Variants in NDC1 observed in about 807,000 individuals in gnomAD.
NDC1 encodes the protein NDC1 transmembrane nucleoporin, also known as nucleoporin NDC1.
Under a neutral mutation model 89.8 loss-of-function variants are expected in NDC1, and 24 were observed. The ratio of observed to expected loss-of-function variants is 0.27; its 90% CI spans 0.19 to 0.38. NDC1 has a LOEUF of 0.38. Among genes scored for constraint, NDC1 ranks in the 10% least tolerant of loss-of-function variants. The pLI is 1.00. For missense variants in NDC1, 728 were observed against 797.6 expected, an observed-to-expected ratio of 0.91 and a Z score of 1.05; for synonymous variants, 296 against 284.8, an observed-to-expected ratio of 1.04 and a Z score of -0.39.
At chr1:53,797,591 C>A (rs530442760) in intron 11 of NDC1, among the ~76,000 whole-genome samples, 1 of 152,144 alleles carries the variant, frequency 6.6e-6, no homozygotes, top group South Asian at 2.1e-4. Flanking sequence ...ATTAACCTTA[C>A]CCCATTTTCC....
chr1:53,830,224 C>G (rs956753183), intron 3 of NDC1, among the ~76,000 whole-genome samples: 1 of 151,786 alleles, frequency 6.6e-6, no homozygotes, highest in Admixed American at 6.6e-5. Context: ...GAGGTCAAGG[C>G]AAGCGGATCA....
chr1:53,814,794 A>G (rs1014686797), intron 6 of NDC1, among the ~76,000 whole-genome samples: 1 of 152,246 alleles, frequency 6.6e-6, no homozygotes, highest in African/African-American at 2.4e-5. Flanking sequence ...CCACTGAAAT[A>G]TGAAAGATTG....
At chr1:53,798,135 CTTT>C (rs1553148461) in intron 11 of NDC1, among the ~76,000 whole-genome samples, 1 of 106,370 alleles carries the variant, frequency 9.4e-6, no homozygotes, top group Non-Finnish European at 2.0e-5. Flanking sequence ...ATTCCATCTT[CTTT>C]TTATTATTAT....
chr1:53,837,848 T>C (rs540794667), intron 1 of NDC1, among the ~76,000 whole-genome samples: 1 of 152,214 alleles, frequency 6.6e-6, no homozygotes, highest in Non-Finnish European at 1.5e-5. Context: ...TCTTTCCAAT[T>C]CCGTGCATTC....
rs140261880 is a variant in NDC1 at position 53,775,360 on chromosome 1, G to C, written c.1801-2871C>G. Among the ~76,000 whole-genome samples the C allele has an allele frequency of 3.3e-5, 5 of 152,070 alleles. No homozygotes were observed. In the East Asian group the frequency reaches 9.7e-4, roughly 29 times the overall value. On this transcript the variant is annotated intron_variant, in intron 16 of 17. Transcript: ENST00000371429. ...CAACCTCTGCCTCCAAGGTTCAAGC[G>C]ATTCTCCTGCCTCAACCTTCCAAGT...
chr1:53,783,240 C>T (rs1647232553), intron 16 of NDC1, among the ~76,000 whole-genome samples: 1 of 151,798 alleles, frequency 6.6e-6, no homozygotes, highest in South Asian at 2.1e-4. Context: ...GGCAGATTAC[C>T]CACACAGACT....
chr1:53,810,529 T>C (rs1648269490), intron 6 of NDC1, among the ~76,000 whole-genome samples: 1 of 150,446 alleles, frequency 6.6e-6, no homozygotes, highest in Non-Finnish European at 1.5e-5. Flanking sequence ...GAGCAAATCA[T>C]GGAAATGATC....
intron 14 of NDC1, among the ~76,000 whole-genome samples, chr1:53,792,222 G>A (rs533464769): frequency 1.2e-4 from 18 of 152,286 alleles, no homozygotes; most frequent in Middle Eastern, 3.4e-3. Context: ...GATTACAGGT[G>A]TGAGCCACCA....
Position 53,800,669 on chromosome 1 carries a change from CCT to C in NDC1, c.1222+22_1222+23del, listed in dbSNP as rs772324383. 5.6e-6 allele frequency: 9 copies of C among 1,610,850 alleles called. No individual in the cohort carries two copies. The Admixed American group carries it at 1.3e-4, about 24-fold the overall frequency. On this transcript the variant is annotated intron_variant, in intron 11 of 17. Coordinates refer to ENST00000371429, the MANE Select transcript of NDC1 (RefSeq NM_018087.5). ...AGGAAATAAAATGTAAATGTTTTCC[CCT>C]CTTAGTAGTCCTAGGGATTACCTGG... is the stretch of plus-strand genomic sequence containing the variant.
Position 53,838,186 on chromosome 1 carries a change from C to T in NDC1, c.57+19G>A, listed in dbSNP as rs1489450566. The T allele has an allele frequency of 1.3e-5, 20 of 1,531,504 alleles. No homozygotes were observed. Among genetic ancestry groups the T allele is most frequent in the Non-Finnish European group, 1.7e-5 (19 of 1,144,054 alleles). The allele number at this position is 1,531,504 out of a possible 1,614,324, so 94.9% of individuals were successfully genotyped here. ...GGCCCGACCCTGGCAGTGCGTGCCA[C>T]AGTGCACGCCGCACTCACGCGCCAC... On this transcript the variant is annotated intron_variant, in intron 1 of 17. Coordinates refer to ENST00000371429, the MANE Select transcript of NDC1 (RefSeq NM_018087.5).
intron 16 of NDC1, among the ~76,000 whole-genome samples, chr1:53,780,886 G>T (rs1158235130): frequency 4.0e-5 from 6 of 149,678 alleles, no homozygotes; most frequent in Admixed American, 1.3e-4. Flanking sequence ...TAGAGACAGG[G>T]TCTCACTCTG....
chr1:53,798,760 G>C (rs1223712216), intron 11 of NDC1, among the ~76,000 whole-genome samples: 1 of 151,918 alleles, frequency 6.6e-6, no homozygotes, highest in South Asian at 2.1e-4. Flanking sequence ...TCGCCATATT[G>C]GCCAGGCTGG....
chr1:53,798,369 C>CA (rs1333014383), intron 11 of NDC1, among the ~76,000 whole-genome samples: 1 of 150,920 alleles, frequency 6.6e-6, no homozygotes, highest in Non-Finnish European at 1.5e-5. Context: ...AGGGTTTCAC[C>CA]ATGTTGGCCA....
intron 13 of NDC1, among the ~76,000 whole-genome samples, chr1:53,795,017 T>G (rs1470332075): frequency 6.6e-6 from 1 of 152,172 alleles, no homozygotes. Flanking sequence ...TCTCCTGAAC[T>G]CATGCATTTT....
intron 11 of NDC1, among the ~76,000 whole-genome samples, chr1:53,798,547 TTTTC>T (rs1408513653): frequency 6.8e-6 from 1 of 147,688 alleles, no homozygotes; most frequent in Non-Finnish European, 1.5e-5. Flanking sequence ...ATTATATGAC[TTTTC>T]TTTTTTTTTT....
Position 53,832,594 on chromosome 1 carries a change from A to G in NDC1, c.179-3T>C, listed in dbSNP as rs1288361965. 2 of 1,471,824 alleles carry G rather than the reference A, an allele frequency of 1.4e-6. No homozygotes were observed. The highest frequency in any genetic ancestry group is 3.4e-5 in the Admixed American group (2 of 59,270). The allele number at this position is 1,471,824 out of a possible 1,614,324, so 91.2% of individuals were successfully genotyped here. A position where few individuals can be genotyped will look rare whatever the true frequency, so the allele number is the denominator to read the frequency against. ...ACTATACAGGTCACTGAAAGAATCT[A>G]AAACACAAGAGAGATGAATTAGTAA... On this transcript the variant is annotated splice_polypyrimidine_tract_variant and splice_region_variant and intron_variant, in intron 2 of 17. Transcript: ENST00000371429.
At chr1:53,782,159 AGT>A (rs1647215694) in intron 16 of NDC1, among the ~76,000 whole-genome samples, 1 of 152,116 alleles carries the variant, frequency 6.6e-6, no homozygotes, top group South Asian at 2.1e-4. Context: ...GTTAGAGTCA[AGT>A]TAAGAAAATA....
intron 14 of NDC1, among the ~76,000 whole-genome samples, chr1:53,791,368 C>T (rs557693137): frequency 1.0e-4 from 15 of 150,708 alleles, no homozygotes; most frequent in African/African-American, 3.2e-4. Context: ...GCAGTGAGCC[C>T]GAGCTTGCAG....
rs757203425 is a variant in NDC1 at position 53,785,901 on chromosome 1, T to TTTTATTTA, written c.1800+1256_1800+1257insTAAATAAA. On this transcript the variant is annotated intron_variant, in intron 16 of 17. Transcript: ENST00000371429. ...GCCTACTATATACACCAGATGCTAT[T>TTTTATTTA]TTTATTCATTTATTTATTTATTTAT... is the stretch of plus-strand genomic sequence containing the variant. 5.6e-3 allele frequency among the ~76,000 whole-genome samples: 851 copies of TTTTATTTA among 151,488 alleles called. 15 individuals are homozygous for TTTTATTTA. The highest frequency in any genetic ancestry group is 0.019 in the African/African-American group (792 of 40,984).
Sources: gnomAD v4.1 joint callset for allele counts (sites outside exome capture counted in the v4.1 genomes callset) on GRCh38, gnomAD v4.1.1 for gene constraint, MANE v1.5 for transcripts, NCBI Gene and HGNC (gene_info 2026-07-23, HGNC 2026-07-21) for gene names.